The following BTBD9 variants were observed in gnomAD, a reference collection of about 807,000 sequenced individuals.
BTBD9 encodes BTB/POZ domain-containing protein 9.
A neutral mutation model predicts 64.3 loss-of-function variants in BTBD9; 49 were observed. The ratio of observed to expected loss-of-function variants is 0.76; its 90% CI spans 0.61 to 0.97. BTBD9 has a LOEUF of 0.97. Among genes scored for constraint, BTBD9 ranks in the 50% least tolerant of loss-of-function variants. The probability of loss-of-function intolerance (pLI) is 0.00; values close to 1 mark genes in which losing one functional copy is unlikely to be tolerated. For missense variants in BTBD9, 598 were observed against 762.1 expected (o/e 0.78, Z 2.53); for synonymous variants, 260 against 274.7 (o/e 0.95, Z 0.53).
chr6:38,580,358 A>C lies in BTBD9; in HGVS notation c.894T>G (p.Gly298=). The change falls in exon 5 of 11, where the codon GGT becomes GGG. Residue 298 remains glycine (G), a synonymous_variant. Transcript: ENST00000481247. ...KGELKSALLD[G]DTQNYDLDHG... is the part of the protein sequence containing the mutation. ...GATCCAAATCATAATTTTGAGTATC[A>C]CCATCTAATAAGGCTGATTTCAGCT... is the stretch of plus-strand genomic sequence containing the variant. 1 of 1,614,244 alleles carries C rather than the reference A, an allele frequency of 6.2e-7. No homozygotes were observed. Among genetic ancestry groups the C allele is most frequent in the Non-Finnish European group, 8.5e-7 (1 of 1,180,040 alleles).
intron 6 of BTBD9, among the ~76,000 whole-genome samples, chr6:38,361,801 T>C (rs1282973892): frequency 2.6e-5 from 4 of 151,356 alleles, no homozygotes; most frequent in Non-Finnish European, 5.9e-5. Flanking sequence ...GATTGTGCCA[T>C]TGCACTCCAG....
chr6:38,260,200 A>G (rs1018623606), intron 8 of BTBD9, among the ~76,000 whole-genome samples: 3 of 152,304 alleles, frequency 2.0e-5, no homozygotes, highest in Admixed American at 2.0e-4. Context: ...TATGTTCCAT[A>G]TATGTTCTGG....
chr6:38,230,403 G>A (rs1396519961), intron 9 of BTBD9, among the ~76,000 whole-genome samples: 1 of 150,950 alleles, frequency 6.6e-6, no homozygotes, highest in Non-Finnish European at 1.5e-5. Context: ...GCGGAGGCAG[G>A]AGAATTGCTT....
chr6:38,460,357 G>A (rs112157504), intron 6 of BTBD9, among the ~76,000 whole-genome samples: 9,843 of 152,128 alleles, frequency 0.065, 421 homozygotes, highest in Non-Finnish European at 0.1. Flanking sequence ...TTCTACCCAG[G>A]AATCTGACAA....
chr6:38,294,281 C>G (rs1762080171), intron 7 of BTBD9, among the ~76,000 whole-genome samples: 1 of 152,120 alleles, frequency 6.6e-6, no homozygotes, highest in Admixed American at 6.5e-5. Context: ...GAATCTAGAA[C>G]CAGAAATACC....
At chr6:38,359,017 C>T (rs887411604) in intron 6 of BTBD9, among the ~76,000 whole-genome samples, 1 of 151,514 alleles carries the variant, frequency 6.6e-6, no homozygotes, top group Non-Finnish European at 1.5e-5. Context: ...ATGATCCACC[C>T]GCCTCGGCCT....
intron 6 of BTBD9, among the ~76,000 whole-genome samples, chr6:38,467,745 T>G (rs1003766120): frequency 6.6e-6 from 1 of 152,206 alleles, no homozygotes; most frequent in African/African-American, 2.4e-5. Flanking sequence ...TCTATTTCTA[T>G]TCTGGCTCCA....
At chr6:38,511,340 CTTTTTTT>C (rs34407005) in intron 6 of BTBD9, among the ~76,000 whole-genome samples, 3 of 107,486 alleles carry the variant, frequency 2.8e-5, no homozygotes, top group African/African-American at 9.3e-5. Flanking sequence ...TTGGAAATGC[CTTTTTTT>C]TTTTTTTTTT....
intron 6 of BTBD9, among the ~76,000 whole-genome samples, chr6:38,423,868 G>T (rs1768019857): frequency 1.3e-5 from 2 of 150,124 alleles, no homozygotes; most frequent in Admixed American, 1.3e-4. Context: ...AGATGAATAA[G>T]CGACTATATT....
At chr6:38,506,167 T>C (rs191675599) in intron 6 of BTBD9, among the ~76,000 whole-genome samples, 10 of 152,210 alleles carry the variant, frequency 6.6e-5, no homozygotes, top group African/African-American at 2.2e-4. Context: ...CTTGATTCTA[T>C]ACATTACACA....
intron 7 of BTBD9, among the ~76,000 whole-genome samples, chr6:38,331,258 T>C (rs1034890228): frequency 5.3e-5 from 8 of 152,108 alleles, no homozygotes; most frequent in East Asian, 1.9e-4. Context: ...GGTAGGAGGA[T>C]TGCTTGAGGC....
intron 7 of BTBD9, among the ~76,000 whole-genome samples, chr6:38,328,864 G>A (rs988874222): frequency 1.3e-5 from 2 of 151,506 alleles, no homozygotes; most frequent in Non-Finnish European, 2.9e-5. Context: ...GGCGAATGGC[G>A]TGAACCCGGG....
chr6:38,299,569 T>C (rs1020224689), intron 7 of BTBD9, among the ~76,000 whole-genome samples: 18 of 152,218 alleles, frequency 1.2e-4, no homozygotes, highest in African/African-American at 4.3e-4. Context: ...TGAGATGGTA[T>C]CTCATTGTGG....
chr6:38,290,372 T>C (rs190426601), intron 7 of BTBD9, among the ~76,000 whole-genome samples: 82 of 152,036 alleles, frequency 5.4e-4, no homozygotes, highest in Middle Eastern at 3.4e-3. Flanking sequence ...ATGGTACTTC[T>C]ATCTCCTGGA....
At chr6:38,477,966 TAAA>T (rs2127376724) in intron 6 of BTBD9, among the ~76,000 whole-genome samples, 1 of 152,310 alleles carries the variant, frequency 6.6e-6, no homozygotes, top group South Asian at 2.1e-4. Context: ...CATCACTTTT[TAAA>T]AACGGTGCAA....
chr6:38,242,940 T>G (rs1764054155), intron 9 of BTBD9, among the ~76,000 whole-genome samples: 2 of 152,262 alleles, frequency 1.3e-5, no homozygotes, highest in African/African-American at 4.8e-5. Flanking sequence ...TATCAAGTTA[T>G]ATGCATGCCA....
chr6:38,233,832 G>T (rs771312334), intron 9 of BTBD9, among the ~76,000 whole-genome samples: 1 of 152,178 alleles, frequency 6.6e-6, no homozygotes, highest in Non-Finnish European at 1.5e-5. Flanking sequence ...TCTTTATAAT[G>T]TTTACTTCTC....
At chr6:38,411,225 A>C (rs1465053204) in intron 6 of BTBD9, among the ~76,000 whole-genome samples, 1 of 152,208 alleles carries the variant, frequency 6.6e-6, no homozygotes, top group Non-Finnish European at 1.5e-5. Flanking sequence ...AGTTGATTAT[A>C]AGGCTAATTT....
In BTBD9 at chr6:38,220,086, G is replaced by A. The variant is rs149916587; in HGVS notation, c.1563-27489C>T. Among the ~76,000 whole-genome samples the A allele has an allele frequency of 1.5e-3, 226 of 152,280 alleles. 4 individuals are homozygous for A. The East Asian group carries it at 0.032, about 21-fold the overall frequency. ...TACCTCTTGGGCTGATGTGTTTTGC[G>A]TCTCTGGGCTGGTGGCAATGGAGGT... On this transcript the variant is annotated intron_variant, in intron 9 of 10. Transcript: ENST00000481247.
Sources: gnomAD v4.1 joint callset for allele counts (sites outside exome capture counted in the v4.1 genomes callset) on GRCh38, gnomAD v4.1.1 for gene constraint, MANE v1.5 for transcripts, NCBI Gene and HGNC (gene_info 2026-07-23, HGNC 2026-07-21) for gene names.